Variants in CLIP2 observed in about 807,000 individuals in gnomAD.
The protein encoded by CLIP2 is CAP-Gly domain containing linker protein 2, also known as CAP-Gly domain-containing linker protein 2.
CLIP2 carries 41 observed loss-of-function variants against 111.7 expected under a neutral mutation model. That is an observed-to-expected ratio of 0.37 (90% CI 0.29 to 0.48). The LOEUF (loss-of-function observed/expected upper bound fraction) is 0.48. CLIP2 is among the 20% of genes least tolerant of loss of function. CLIP2 has a pLI of 0.99. For missense variants in CLIP2, 1,160 were observed against 1,422.1 expected (o/e 0.82, Z 2.96); for synonymous variants, 660 against 644.2 (o/e 1.02, Z -0.37).
At chr7:74,309,027 C>T (rs1788568523) in intron 1 of CLIP2, among the ~76,000 whole-genome samples, 1 of 151,966 alleles carries the variant, frequency 6.6e-6, no homozygotes, top group South Asian at 2.1e-4. Context: ...ACCACCACAC[C>T]TGGCTACATT....
chr7:74,369,410 T>C (rs1790544118), intron 8 of CLIP2, among the ~76,000 whole-genome samples: 1 of 148,454 alleles, frequency 6.7e-6, no homozygotes, highest in Admixed American at 6.7e-5. Flanking sequence ...CCAGGCATGG[T>C]AGCACGCCTG....
In CLIP2 at chr7:74,338,974, A is replaced by G. The variant is rs782045065; in HGVS notation, c.648A>G (p.Glu216=). 9 of 1,598,804 alleles carry G rather than the reference A, an allele frequency of 5.6e-6. No individual in the cohort carries two copies. Among genetic ancestry groups the G allele is most frequent in the Non-Finnish European group, 7.6e-6 (9 of 1,179,742 alleles). The change falls in exon 3 of 17, where the codon GAA becomes GAG. Residue 216 remains glutamate, a synonymous_variant. Transcript: ENST00000223398. This position sits in a 1 kb window ranked among gnomAD's most constrained non-coding sequence, Gnocchi z 4.3. The part of the protein sequence containing the change: ...LSDSGSVKRG[E]KDLRLGDRVL... ...ACAGCGGCTCTGTGAAGCGGGGCGA[A>G]AAGGACCTGCGCCTGGGGGACCGCG...
In CLIP2 at chr7:74,358,032, G is replaced by A. The variant is rs868967271; in HGVS notation, c.1215+555G>A. On this transcript the variant is annotated intron_variant, in intron 6 of 16. Transcript: ENST00000223398. ...GGCCTCCCAAAGTGCTGGGATTACA[G>A]GTGTGAGCCACTGCAAGGGTTTTTT... Among the ~76,000 whole-genome samples the A allele has an allele frequency of 7.5e-4, 112 of 149,548 alleles. No individual in the cohort carries two copies. In the Middle Eastern group the frequency reaches 0.022, roughly 30 times the overall value.
chr7:74,351,783 C>T (rs1191542989), intron 3 of CLIP2, among the ~76,000 whole-genome samples: 7 of 152,266 alleles, frequency 4.6e-5, no homozygotes, highest in South Asian at 2.1e-4. Flanking sequence ...TTTCAGTGAG[C>T]GGAGATCGCG....
In CLIP2 at chr7:74,334,978, G is replaced by T. The variant is rs575244239; in HGVS notation, c.122-3470G>T. ...ACTCCAGCCTGGGGACTCCAGCCTG[G>T]GCAACAGAGTGAGACTCTGTCTCAA... On this transcript the variant is annotated intron_variant, in intron 2 of 16. Transcript: ENST00000223398. Among the ~76,000 whole-genome samples, 4 of 151,840 alleles carry T rather than the reference G, an allele frequency of 2.6e-5. No homozygotes were observed. The East Asian group carries it at 7.8e-4, about 29-fold the overall frequency.
chr7:74,400,086 CT>C (rs1791576544), intron 14 of CLIP2, among the ~76,000 whole-genome samples: 1 of 148,524 alleles, frequency 6.7e-6, no homozygotes, highest in South Asian at 2.1e-4. Flanking sequence ...GGAGGCGGAG[CT>C]TGCAGAGACC....
intron 2 of CLIP2, among the ~76,000 whole-genome samples, chr7:74,325,747 G>A (rs1294358575): frequency 9.9e-5 from 15 of 151,858 alleles, no homozygotes; most frequent in African/African-American, 2.4e-4. Flanking sequence ...CAGGAGAATC[G>A]CTTGAACCCG....
intron 13 of CLIP2, among the ~76,000 whole-genome samples, chr7:74,391,571 G>A (rs1038084023): frequency 1.3e-5 from 2 of 152,124 alleles, no homozygotes; most frequent in Non-Finnish European, 2.9e-5. Flanking sequence ...TGTAATACCA[G>A]CACTCTGGGA....
At chr7:74,377,330 C>T (rs1411383646) in intron 10 of CLIP2, among the ~76,000 whole-genome samples, 1 of 152,214 alleles carries the variant, frequency 6.6e-6, no homozygotes. Context: ...GAGTACTTCC[C>T]CAGAATGTGG....
chr7:74,379,947 A>C (rs1790895143), intron 10 of CLIP2: 1 of 151,298 alleles, frequency 6.6e-6, no homozygotes, highest in Non-Finnish European at 1.5e-5. Flanking sequence ...ACTCCTTCTC[A>C]AAAAAAAAGA....
At chr7:74,325,258 C>T (rs115405645) in intron 2 of CLIP2, among the ~76,000 whole-genome samples, 152 of 152,250 alleles carry the variant, frequency 1.0e-3, no homozygotes, top group African/African-American at 3.5e-3. Flanking sequence ...GGGTCTCTCA[C>T]GCTAGGAGGT....
chr7:74,382,090 A>AT (rs34473926), intron 11 of CLIP2, among the ~76,000 whole-genome samples: 87,741 of 149,888 alleles, frequency 0.59, 26,818 homozygotes, highest in East Asian at 0.74. Context: ...TTCTATTTGC[A>AT]TTTTTTTTTT....
intron 8 of CLIP2, among the ~76,000 whole-genome samples, chr7:74,368,495 C>A (rs567967786): frequency 1.3e-3 from 195 of 151,086 alleles, no homozygotes; most frequent in African/African-American, 4.6e-3. Context: ...CCAGCCTAGG[C>A]GACAGTGCGA....
intron 8 of CLIP2, among the ~76,000 whole-genome samples, chr7:74,368,025 C>A (rs541066963): frequency 3.8e-4 from 58 of 152,240 alleles, no homozygotes; most frequent in South Asian, 1.2e-3. Flanking sequence ...CCAGCTTGGG[C>A]AACATAGGGA....
chr7:74,402,328 TCAAAAAAAAAAAAAAC>T (rs1283290863), intron 16 of CLIP2, among the ~76,000 whole-genome samples: 4 of 83,728 alleles, frequency 4.8e-5, no homozygotes, highest in Non-Finnish European at 8.8e-5. Flanking sequence ...AGACTCCATC[TCAAAAAAAAAAAAAAC>T]CAAAAAAAAA....
chr7:74,373,044 C>A lies in CLIP2; in HGVS notation c.1485+8C>A. On this transcript the variant is annotated splice_region_variant and intron_variant, in intron 9 of 16. Coordinates refer to ENST00000223398, the MANE Select transcript of CLIP2 (RefSeq NM_003388.5). ...GAATTAGCGGACAACAGGGTAACCGCGCCACCGCACCCGCCTGGCCCGCCA... is the reference window on the plus strand; with the variant it reads ...GAATTAGCGGACAACAGGGTAACCGAGCCACCGCACCCGCCTGGCCCGCCA... 1 of 1,551,270 alleles carries A rather than the reference C, an allele frequency of 6.4e-7. No homozygotes were observed. Among genetic ancestry groups the A allele is most frequent in the African/African-American group, 1.4e-5 (1 of 73,828 alleles).
At chr7:74,387,376 G>T (rs927414711) in intron 12 of CLIP2, among the ~76,000 whole-genome samples, 7 of 152,112 alleles carry the variant, frequency 4.6e-5, no homozygotes, top group African/African-American at 1.7e-4. Context: ...AGCTTCCTGA[G>T]TAGCTGGGAT....
chr7:74,293,179 A>C (rs1554725613), intron 1 of CLIP2, among the ~76,000 whole-genome samples: 1 of 152,230 alleles, frequency 6.6e-6, no homozygotes, highest in Non-Finnish European at 1.5e-5. Context: ...TGCAAGGAAC[A>C]GGAACCTGCT....
rs34885959 is a variant in CLIP2 at position 74,375,546 on chromosome 7, CAAAAAAAAAA to C, written c.1486-323_1486-314del. Among the ~76,000 whole-genome samples, 23 of 33,182 alleles carry C rather than the reference CAAAAAAAAAA, an allele frequency of 6.9e-4. No individual in the cohort carries two copies. In the East Asian group the frequency reaches 0.011, roughly 16 times the overall value. 21.8% of individuals were successfully genotyped at this position (33,182 alleles called of 152,430 possible). On this transcript the variant is annotated intron_variant, in intron 9 of 16. Transcript: ENST00000223398. Reference sequence around the variant, plus strand: ...CCAGCCTGCGTGACAGAGCGAGACTCAAAAAAAAAAAAAAAAAAAAAAAAAAAGCTGTAAC... The same window carrying C: ...CCAGCCTGCGTGACAGAGCGAGACTCAAAAAAAAAAAAAAAAAGCTGTAAC...
Sources: gnomAD v4.1 joint callset for allele counts (sites outside exome capture counted in the v4.1 genomes callset) on GRCh38, gnomAD v4.1.1 for gene constraint, Gnocchi (gnomAD v3.1) non-coding constraint, MANE v1.5 for transcripts, NCBI Gene and HGNC (gene_info 2026-07-23, HGNC 2026-07-21) for gene names.